The following APBA1 variants were observed in gnomAD, a reference collection of about 807,000 sequenced individuals.
APBA1 encodes amyloid-beta A4 precursor protein-binding family A member 1.
APBA1 carries 55 observed loss-of-function variants against 86.6 expected under a neutral mutation model. The ratio of observed to expected loss-of-function variants is 0.64; its 90% CI spans 0.51 to 0.80. The LOEUF is 0.80. Among genes scored for constraint, APBA1 ranks in the 30% least tolerant of loss-of-function variants. The pLI is 0.00. For synonymous variants in APBA1, 511 were observed against 493.9 expected, an observed-to-expected ratio of 1.03 and a Z score of -0.46; for missense variants, 1,090 against 1,183.0, an observed-to-expected ratio of 0.92 and a Z score of 1.15.
intron 1 of APBA1, among the ~76,000 whole-genome samples, chr9:69,609,662 CA>C (rs1822544211): frequency 6.6e-6 from 1 of 152,196 alleles, no homozygotes; most frequent in South Asian, 2.1e-4. Flanking sequence ...TCACTTCAGA[CA>C]AATGTGCAGC....
rs185586331 is a variant in APBA1 at position 69,436,167 on chromosome 9, T to G, written c.2302-3491A>C. Among the ~76,000 whole-genome samples, 589 of 150,094 alleles carry G rather than the reference T, an allele frequency of 3.9e-3. 29 individuals carry two copies. The highest frequency in any genetic ancestry group is 0.013 in the African/African-American group (547 of 40,904). On this transcript the variant is annotated intron_variant, in intron 11 of 12. Transcript: ENST00000265381. Reference sequence around the variant, plus strand: ...TCTGTTTGGTACCAGTACCATGCTGTTTTGGTTACTATAGCCTTGTAGTAT... The same window carrying G: ...TCTGTTTGGTACCAGTACCATGCTGGTTTGGTTACTATAGCCTTGTAGTAT...
intron 1 of APBA1, among the ~76,000 whole-genome samples, chr9:69,585,865 C>T (rs191381606): frequency 2.1e-4 from 32 of 152,280 alleles, no homozygotes; most frequent in Admixed American, 2.0e-3. Flanking sequence ...TCCTGCTTAT[C>T]TCATCCCCAA....
intron 2 of APBA1, among the ~76,000 whole-genome samples, chr9:69,497,374 C>G (rs1214924637): frequency 6.6e-6 from 1 of 152,022 alleles, no homozygotes; most frequent in Non-Finnish European, 1.5e-5. Context: ...CCCCTTAACT[C>G]TGTGCTTCCC....
rs1835301531 is a variant in APBA1 at position 69,467,763 on chromosome 9, A to C, written c.1482+60T>G. ...TATGTGGAGTTGTGGCCAGTGTTGT[A>C]GACTGCTCCAGTGCCTACACCAGCC... On this transcript the variant is annotated intron_variant, in intron 5 of 12. Coordinates refer to ENST00000265381, the MANE Select transcript of APBA1 (RefSeq NM_001163.4). The C allele has an allele frequency of 1.9e-6, 3 of 1,601,036 alleles. No homozygotes were observed. The South Asian group carries it at 3.3e-5, about 18-fold the overall frequency.
chr9:69,622,134 T>C (rs1822831561), intron 1 of APBA1, among the ~76,000 whole-genome samples: 1 of 152,212 alleles, frequency 6.6e-6, no homozygotes, highest in African/African-American at 2.4e-5. Flanking sequence ...CCCAGGAATC[T>C]GGGGATGTCA....
rs112392437 is a variant in APBA1, at chr9:69,516,341, G to A, written c.870C>T (p.Ala290=). Reference sequence around the variant, plus strand: ...CCTGCTCGGCCTCAGGCATGTCCTCGGCTGCCTTGTCGAGGCTCTGCGAGC... The same window carrying A: ...CCTGCTCGGCCTCAGGCATGTCCTCAGCTGCCTTGTCGAGGCTCTGCGAGC... ...SMSSQSLDKA[A]EDMPEAEQDL... Residue 290 remains alanine (A), a synonymous_variant, in exon 2 of 13, where the codon GCC becomes GCT. Transcript: ENST00000265381. The surrounding 1 kb of genome is among the most constrained non-coding windows in gnomAD (Gnocchi z 7.3). The A allele has an allele frequency of 1.3e-6, 2 of 1,596,928 alleles. No individual in the cohort carries two copies. Among genetic ancestry groups the A allele is most frequent in the East Asian group, 2.2e-5 (1 of 44,492 alleles).
chr9:69,515,827 T>G (rs1836130880), intron 2 of APBA1, among the ~76,000 whole-genome samples, 184 bp downstream of exon 2: 1 of 152,008 alleles, frequency 6.6e-6, no homozygotes. Flanking sequence ...ACACTTTAAT[T>G]CTCTCCCGCT....
intron 1 of APBA1, among the ~76,000 whole-genome samples, chr9:69,539,546 A>G (rs1836570257): frequency 1.3e-5 from 2 of 152,220 alleles, no homozygotes; most frequent in African/African-American, 4.8e-5. Flanking sequence ...GGACCATGTC[A>G]ACAGCTTCCT....
chr9:69,632,429 C>T (rs367698420), intron 1 of APBA1, among the ~76,000 whole-genome samples: 7 of 152,252 alleles, frequency 4.6e-5, no homozygotes, highest in African/African-American at 1.7e-4. Flanking sequence ...GGATTTAAAT[C>T]CTGCCTCTTC....
At chr9:69,515,125 A>C (rs1354796369) in intron 2 of APBA1, among the ~76,000 whole-genome samples, 1 of 152,170 alleles carries the variant, frequency 6.6e-6, no homozygotes, top group Non-Finnish European at 1.5e-5. Context: ...AAAATGAAGA[A>C]ATACCCCCAA....
At chr9:69,475,909 T>G in intron 3 of APBA1, 139 bp downstream of exon 3, 1 of 715,988 alleles carries the variant, frequency 1.4e-6, no homozygotes, top group South Asian at 1.6e-5. Flanking sequence ...AACTGCACAC[T>G]GGAGAGGAGA....
chr9:69,473,575 CT>C (rs1167494745), intron 3 of APBA1, among the ~76,000 whole-genome samples: 1 of 152,168 alleles, frequency 6.6e-6, no homozygotes, highest in African/African-American at 2.4e-5. Context: ...TTACTTTGGT[CT>C]ATAGCTCTAA....
intron 2 of APBA1, among the ~76,000 whole-genome samples, chr9:69,491,918 C>T (rs1382217658): frequency 1.3e-5 from 2 of 151,908 alleles, no homozygotes; most frequent in Non-Finnish European, 2.9e-5. Flanking sequence ...GCATCCACCA[C>T]CACACCCAGC....
chr9:69,607,123 G>A (rs1393833863), intron 1 of APBA1, among the ~76,000 whole-genome samples: 2 of 152,318 alleles, frequency 1.3e-5, no homozygotes, highest in East Asian at 3.9e-4. Context: ...AGAAGCAGCA[G>A]TGTATTCGTT....
At chr9:69,623,264 G>C (rs1822862008) in intron 1 of APBA1, among the ~76,000 whole-genome samples, 1 of 152,094 alleles carries the variant, frequency 6.6e-6, no homozygotes, top group Non-Finnish European at 1.5e-5. Flanking sequence ...CAATGAAATA[G>C]ATAAGGGTGA....
chr9:69,535,999 A>G (rs1456948129), intron 1 of APBA1, among the ~76,000 whole-genome samples: 4 of 147,138 alleles, frequency 2.7e-5, no homozygotes, highest in African/African-American at 9.9e-5. Flanking sequence ...TGGTGATTCT[A>G]TTCATACTTA....
intron 1 of APBA1, among the ~76,000 whole-genome samples, chr9:69,629,388 G>T (rs1286335214): frequency 6.6e-6 from 1 of 152,142 alleles, no homozygotes; most frequent in Non-Finnish European, 1.5e-5. Context: ...AATAGTTCAT[G>T]ATTAACCTCA....
chr9:69,496,074 G>T (rs1835789912), intron 2 of APBA1, among the ~76,000 whole-genome samples: 1 of 152,038 alleles, frequency 6.6e-6, no homozygotes, highest in Non-Finnish European at 1.5e-5. Flanking sequence ...TATATATGCT[G>T]GTTCAGACCA....
intron 1 of APBA1, among the ~76,000 whole-genome samples, chr9:69,520,053 A>G (rs1010421532): frequency 1.3e-5 from 2 of 152,182 alleles, no homozygotes; most frequent in African/African-American, 4.8e-5. Context: ...TTACACATAC[A>G]GTGTTTGTAT....
Sources: allele counts gnomAD v4.1 joint callset (sites outside exome capture counted in the v4.1 genomes callset), GRCh38; gene constraint gnomAD v4.1.1; non-coding constraint Gnocchi (gnomAD v3.1); transcripts MANE v1.5; gene names NCBI Gene and HGNC (gene_info 2026-07-23, HGNC 2026-07-21).